GATAD2B: variants seen among roughly 807,000 people sequenced by gnomAD.
GATAD2B encodes GATA zinc finger domain containing 2B, also known as transcriptional repressor p66-beta.
Under a neutral mutation model 64.3 loss-of-function variants are expected in GATAD2B, and 8 were observed. The ratio of observed to expected loss-of-function variants is 0.12; its 90% CI spans 0.07 to 0.22. The LOEUF (loss-of-function observed/expected upper bound fraction) is 0.22. GATAD2B is among the 10% of genes least tolerant of loss of function. GATAD2B has a pLI of 1.00. For synonymous variants in GATAD2B, 281 were observed against 271.3 expected (o/e 1.04, Z -0.35); for missense variants, 453 against 752.0 (o/e 0.60, Z 4.65).
intron 1 of GATAD2B, among the ~76,000 whole-genome samples, chr1:153,836,942 C>G (rs1675289398): frequency 6.6e-6 from 1 of 152,060 alleles, no homozygotes; most frequent in Non-Finnish European, 1.5e-5. Flanking sequence ...TGTGAGAAAC[C>G]AGAACCCAGA....
At chr1:153,820,693 G>A (rs923436666) in intron 2 of GATAD2B, among the ~76,000 whole-genome samples, 15 of 149,486 alleles carry the variant, frequency 1.0e-4, no homozygotes, top group African/African-American at 2.2e-4. Flanking sequence ...CCAGTGGCCC[G>A]ATCACAGCTC....
At chr1:153,865,721 C>T (rs1676456285) in intron 1 of GATAD2B, among the ~76,000 whole-genome samples, 1 of 152,226 alleles carries the variant, frequency 6.6e-6, no homozygotes, top group Middle Eastern at 3.4e-3. Context: ...CTAAAAATAC[C>T]AGAGGCAATT....
chr1:153,870,032 C>A (rs1676610222), intron 1 of GATAD2B, among the ~76,000 whole-genome samples: 1 of 152,128 alleles, frequency 6.6e-6, no homozygotes, highest in African/African-American at 2.4e-5. Flanking sequence ...GCAACCTCTG[C>A]CTCCCAGATT....
intron 2 of GATAD2B, among the ~76,000 whole-genome samples, chr1:153,826,586 G>A (rs1412819194): frequency 3.3e-5 from 5 of 151,890 alleles, no homozygotes; most frequent in East Asian, 2.0e-4. Flanking sequence ...AGCCTAGATC[G>A]TACCATTGCA....
chr1:153,915,764 AAAG>A (rs1355808581), intron 1 of GATAD2B, among the ~76,000 whole-genome samples: 2 of 151,556 alleles, frequency 1.3e-5, no homozygotes, highest in Non-Finnish European at 2.9e-5. Flanking sequence ...AAAAAAAAGA[AAAG>A]AAAAACCACT....
intron 1 of GATAD2B, among the ~76,000 whole-genome samples, chr1:153,860,811 C>A (rs191116509): frequency 1.9e-4 from 29 of 152,248 alleles, no homozygotes; most frequent in Non-Finnish European, 3.4e-4. Context: ...CAGGTGCATG[C>A]TACCACACAT....
At chr1:153,812,190 C>CTTT (rs11264420) in intron 8 of GATAD2B, 58 bp from the exon 9 acceptor site, 259 of 611,014 alleles carry the variant, frequency 4.2e-4, no homozygotes, top group South Asian at 9.7e-4. Flanking sequence ...ACCCAATTTC[C>CTTT]TTTTTTTTTT....
chr1:153,909,714 C>T (rs1678057421), intron 1 of GATAD2B, among the ~76,000 whole-genome samples: 1 of 147,292 alleles, frequency 6.8e-6, no homozygotes, highest in Non-Finnish European at 1.5e-5. Context: ...GGCGGGGGGG[C>T]AGATCACAAG....
chr1:153,878,645 C>T (rs1160120578), intron 1 of GATAD2B, among the ~76,000 whole-genome samples: 1 of 152,048 alleles, frequency 6.6e-6, no homozygotes, highest in Non-Finnish European at 1.5e-5. Flanking sequence ...ACTCTTACTA[C>T]AGGATTAACG....
chr1:153,910,389 T>C (rs1678080074), intron 1 of GATAD2B, among the ~76,000 whole-genome samples: 1 of 152,188 alleles, frequency 6.6e-6, no homozygotes, highest in Admixed American at 6.6e-5. Flanking sequence ...CCATTCTGGT[T>C]TACACCTTTG....
At position 153,847,981 on chromosome 1, in the gene GATAD2B, T is replaced by C. The variant is rs189533602; in HGVS notation, c.-1-19633A>G. 7.4e-4 allele frequency among the ~76,000 whole-genome samples: 112 copies of C among 152,340 alleles called. 1 individual carries two copies. The highest frequency in any genetic ancestry group is 1.1e-3 in the Non-Finnish European group (74 of 68,018). ...GTAACTGTAAAACAAACAAACATAC[T>C]GATACCATGGTCCAATTCCCAAAGA... On this transcript the variant is annotated intron_variant, in intron 1 of 10. Transcript: ENST00000368655.
intron 1 of GATAD2B, among the ~76,000 whole-genome samples, chr1:153,837,380 A>AC (rs548784296): frequency 0.027 from 4,006 of 150,770 alleles, 179 homozygotes; most frequent in African/African-American, 0.085. Flanking sequence ...AAACAAACAA[A>AC]AAAAAAAACA....
At chr1:153,844,857 A>T (rs1675626563) in intron 1 of GATAD2B, among the ~76,000 whole-genome samples, 2 of 151,272 alleles carry the variant, frequency 1.3e-5, no homozygotes, top group Admixed American at 6.6e-5. Context: ...GCACATGTAT[A>T]CATATGTAAC....
Position 153,810,009 on chromosome 1 carries a change from A to T in GATAD2B, c.*168T>A. 3.2e-6 allele frequency: 2 copies of T among 619,090 alleles called. No individual in the cohort carries two copies. The highest frequency in any genetic ancestry group is 2.8e-6 in the Non-Finnish European group (1 of 354,510). The allele number at this position is 619,090 out of a possible 1,614,324, so 38.3% of individuals were successfully genotyped here. A position where few individuals can be genotyped will look rare whatever the true frequency, so the allele number is the denominator to read the frequency against. ...TGAAATAAAGGGGAGGTGGCAGGGC[A>T]GGGCGTGTGTTTTCTTGCTGATCTC... On this transcript the variant is annotated 3_prime_UTR_variant, in exon 11 of 11. Transcript: ENST00000368655.
chr1:153,875,683 GAAAAAAAAAA>G (rs11340415), intron 1 of GATAD2B, among the ~76,000 whole-genome samples: 16 of 78,392 alleles, frequency 2.0e-4, no homozygotes, highest in Admixed American at 1.7e-4. Context: ...AGTTTGGAGG[GAAAAAAAAAA>G]AAAAAAAAAA....
chr1:153,843,827 A>C (rs1429196278), intron 1 of GATAD2B, among the ~76,000 whole-genome samples: 1 of 151,732 alleles, frequency 6.6e-6, no homozygotes, highest in Non-Finnish European at 1.5e-5. Context: ...AAAAAAAAAA[A>C]AAAAACCCAA....
intron 1 of GATAD2B, among the ~76,000 whole-genome samples, chr1:153,855,226 T>G (rs1172082717): frequency 4.5e-4 from 3 of 6,734 alleles, no homozygotes; most frequent in African/African-American, 1.4e-3. Context: ...TTTCTTTTTG[T>G]TTTTTTTTTT....
intron 1 of GATAD2B, among the ~76,000 whole-genome samples, chr1:153,896,949 A>T (rs1677613565): frequency 6.6e-6 from 1 of 152,224 alleles, no homozygotes; most frequent in Non-Finnish European, 1.5e-5. Context: ...CTTTTCAAAA[A>T]GAGAAATTGG....
intron 1 of GATAD2B, among the ~76,000 whole-genome samples, chr1:153,839,852 T>G (rs1675413322): frequency 1.3e-5 from 2 of 151,526 alleles, no homozygotes; most frequent in African/African-American, 4.8e-5. Context: ...TGCGTGCCTG[T>G]AATCCCAGCT....
Sources: allele counts gnomAD v4.1 joint callset (sites outside exome capture counted in the v4.1 genomes callset), GRCh38; gene constraint gnomAD v4.1.1; transcripts MANE v1.5; gene names NCBI Gene and HGNC (gene_info 2026-07-23, HGNC 2026-07-21).